Variants in ADAM7 observed in about 807,000 individuals in gnomAD.
The protein encoded by ADAM7 is ADAM metallopeptidase domain 7, also known as disintegrin and metalloproteinase domain-containing protein 7.
Under a neutral mutation model 102.9 loss-of-function variants are expected in ADAM7, and 97 were observed. The observed-to-expected ratio is 0.94, with a 90% confidence interval of 0.80 to 1.12. The LOEUF (loss-of-function observed/expected upper bound fraction) is 1.12. Among genes scored for constraint, ADAM7 ranks in the 50% most tolerant of loss-of-function variants. The pLI is 0.00. For missense variants in ADAM7, 991 were observed against 908.7 expected, an observed-to-expected ratio of 1.09 and a Z score of -1.16; for synonymous variants, 334 against 304.4, an observed-to-expected ratio of 1.10 and a Z score of -1.01.
rs73223174 is a variant in ADAM7 at position 24,509,147 on chromosome 8, T to C, written c.*601T>C. On this transcript the variant is annotated 3_prime_UTR_variant, in exon 22 of 22. Transcript: ENST00000175238. ...GGGAAAGGAAAACACAGAATGCTCC[T>C]GGCAATTCTAAATTCCTAGGTTTGC... is the stretch of plus-strand genomic sequence containing the variant. 0.083 allele frequency: 81,607 copies of C among 985,408 alleles called. 3,474 individuals carry two copies. Among genetic ancestry groups the C allele is most frequent in the Admixed American group, 0.11 (1,849 of 16,274 alleles). The allele number at this position is 985,408 out of a possible 1,614,324, so 61.0% of individuals were successfully genotyped here. A position where few individuals can be genotyped will look rare whatever the true frequency, so the allele number is the denominator to read the frequency against.
intron 11 of ADAM7, among the ~76,000 whole-genome samples, chr8:24,488,643 G>T (rs1820227682): frequency 6.6e-6 from 1 of 152,138 alleles, no homozygotes; most frequent in Non-Finnish European, 1.5e-5. Context: ...AGAAAAGGAA[G>T]ATGGAAGGGA....
At chr8:24,448,842 C>T (rs1818666676) in intron 3 of ADAM7, among the ~76,000 whole-genome samples, 1 of 152,044 alleles carries the variant, frequency 6.6e-6, no homozygotes. Flanking sequence ...GTGATGTTCC[C>T]CTTCCTGTGT....
chr8:24,450,861 G>C (rs7463259), intron 3 of ADAM7, among the ~76,000 whole-genome samples: 88,413 of 151,958 alleles, frequency 0.58, 26,782 homozygotes, highest in African/African-American at 0.73. Context: ...TAGCATGAAG[G>C]GTTGTTGAAT....
intron 11 of ADAM7, among the ~76,000 whole-genome samples, chr8:24,488,774 T>C (rs1389078453): frequency 1.3e-5 from 2 of 152,176 alleles, no homozygotes; most frequent in East Asian, 3.8e-4. Flanking sequence ...TTAACTAATG[T>C]TTATTTTTTT....
chr8:24,461,501 G>A (rs1266093837), intron 3 of ADAM7, among the ~76,000 whole-genome samples: 8 of 152,072 alleles, frequency 5.3e-5, no homozygotes, highest in Non-Finnish European at 7.3e-5. Context: ...CTTTCTTCTC[G>A]TAAATGCTGT....
chr8:24,491,812 T>A, intron 13 of ADAM7, 91 bp from the exon 14 acceptor site: 1 of 1,122,698 alleles, frequency 8.9e-7, no homozygotes, highest in South Asian at 1.9e-5. Flanking sequence ...TAAAACCTTT[T>A]TTGGATGAAT....
rs186791873 is a variant in ADAM7, at chr8:24,463,872, T to A, written c.234-10T>A. ...AACAAATCTCACCACCTGTCTGCCC[T>A]CTTTTTCAGGGAGTTCCTAGGCTCA... On this transcript the variant is annotated splice_polypyrimidine_tract_variant and intron_variant, in intron 3 of 21. Coordinates refer to ENST00000175238, the MANE Select transcript of ADAM7 (RefSeq NM_003817.4). 33 of 1,611,506 alleles carry A rather than the reference T, an allele frequency of 2.0e-5. No individual in the cohort carries two copies. In the East Asian group the frequency reaches 6.9e-4, roughly 34 times the overall value.
intron 3 of ADAM7, among the ~76,000 whole-genome samples, chr8:24,451,861 G>A (rs370193402): frequency 2.3e-4 from 34 of 149,452 alleles, no homozygotes; most frequent in African/African-American, 3.2e-4. Context: ...CTTTGTTCTC[G>A]TTGGTTTCAA....
rs1003156297 is a variant in ADAM7, at chr8:24,500,130, A to G, written c.1924-48A>G. The G allele has an allele frequency of 3.9e-6, 6 of 1,524,910 alleles. No individual in the cohort carries two copies. In the South Asian group the frequency reaches 5.9e-5, roughly 15 times the overall value. The allele number at this position is 1,524,910 out of a possible 1,614,324, so 94.5% of individuals were successfully genotyped here. ...CACTAAAGTAAGTGAGTTGCAGAACACAACTTATATCAGTCATTTGAGAAT... is the reference window on the plus strand; with the variant it reads ...CACTAAAGTAAGTGAGTTGCAGAACGCAACTTATATCAGTCATTTGAGAAT... On this transcript the variant is annotated intron_variant, in intron 17 of 21. Coordinates refer to ENST00000175238, the MANE Select transcript of ADAM7 (RefSeq NM_003817.4).
rs902764878 is a variant in ADAM7, at chr8:24,466,388, G to C, written c.390-411G>C. On this transcript the variant is annotated intron_variant, in intron 5 of 21. Transcript: ENST00000175238. ...ACTAGTTCTTAGTGTTTTCAAGAATGAGAACCCCTTTAATGACACAGTTAC... is the reference window on the plus strand; with the variant it reads ...ACTAGTTCTTAGTGTTTTCAAGAATCAGAACCCCTTTAATGACACAGTTAC... Among the ~76,000 whole-genome samples the C allele has an allele frequency of 2.0e-5, 3 of 152,152 alleles. No individual in the cohort carries two copies. The East Asian group carries it at 5.8e-4, about 29-fold the overall frequency.
At chr8:24,442,259 C>A (rs1377636208) in intron 1 of ADAM7, among the ~76,000 whole-genome samples, 3 of 152,154 alleles carry the variant, frequency 2.0e-5, no homozygotes, top group African/African-American at 7.2e-5. Context: ...ACACTGATTT[C>A]TTTGGCTCCT....
At chr8:24,472,122 C>CAAAAAAAAAAAAAAAAAAAAAAA (rs55708871) in intron 7 of ADAM7, among the ~76,000 whole-genome samples, 1 of 102,772 alleles carries the variant, frequency 9.7e-6, no homozygotes, top group African/African-American at 3.3e-5. Flanking sequence ...AAAAAGATAA[C>CAAAAAAAAAAAAAAAAAAAAAAA]AAAAAAAAAA....
At chr8:24,482,543 T>A (rs576437988) in intron 9 of ADAM7, among the ~76,000 whole-genome samples, 95 of 151,564 alleles carry the variant, frequency 6.3e-4, no homozygotes, top group African/African-American at 2.2e-3. Flanking sequence ...AGCCTAGGAG[T>A]TCAAGACCAG....
intron 1 of ADAM7, 102 bp downstream of exon 1, chr8:24,441,262 G>C: frequency 8.3e-7 from 1 of 1,206,038 alleles, no homozygotes; most frequent in Non-Finnish European, 1.2e-6. Flanking sequence ...ATTAAACGTT[G>C]ATGATTTTTC....
Position 24,493,095 on chromosome 8 carries a change from C to G in ADAM7, c.1708C>G (p.Leu570Val), listed in dbSNP as rs2307044. 190 of 1,612,046 alleles carry G rather than the reference C, an allele frequency of 1.2e-4. 1 individual carries two copies. The East Asian group carries it at 3.7e-3, about 31-fold the overall frequency. Residue 570 changes from leucine to valine, a missense_variant, in exon 16 of 22, where the codon CTT becomes GTT. Transcript: ENST00000175238. ...CACTGGAGGGGAGCTTTCCTCTCTC[C>G]TTGGAGAAGACAAGACTTATCACCT... Reference protein sequence around the residue: ...YCTGGELSSLLGEDKTYHLKD... With the variant: ...YCTGGELSSLVGEDKTYHLKD...
intron 13 of ADAM7, 120 bp downstream of exon 13, chr8:24,491,008 A>C: frequency 2.1e-6 from 2 of 943,414 alleles, no homozygotes; most frequent in Non-Finnish European, 3.2e-6. Flanking sequence ...CTAGGCTTGC[A>C]AGTACCCAAC....
chr8:24,473,129 GT>G (rs1314789826), intron 7 of ADAM7, among the ~76,000 whole-genome samples: 1 of 151,976 alleles, frequency 6.6e-6, no homozygotes, highest in Non-Finnish European at 1.5e-5. Context: ...TTTTACCAAA[GT>G]TTTTTATAAA....
At chr8:24,468,076 T>A (rs1052880064) in intron 6 of ADAM7, among the ~76,000 whole-genome samples, 84 of 151,476 alleles carry the variant, frequency 5.5e-4, no homozygotes, top group African/African-American at 2.0e-3. Context: ...AAAAGAAAAA[T>A]AAATAAAAAT....
chr8:24,490,774 A>T, intron 12 of ADAM7, 25 bp from the exon 13 acceptor site: 4 of 1,606,070 alleles, frequency 2.5e-6, no homozygotes, highest in Non-Finnish European at 2.6e-6. Flanking sequence ...CCAATTTCTC[A>T]TCTCTCTTTT....
Sources: allele counts gnomAD v4.1 joint callset (sites outside exome capture counted in the v4.1 genomes callset), GRCh38; gene constraint gnomAD v4.1.1; transcripts MANE v1.5; gene names NCBI Gene and HGNC (gene_info 2026-07-23, HGNC 2026-07-21).